The following NXPE2 variants were observed in gnomAD, a reference collection of about 807,000 sequenced individuals.
The protein encoded by NXPE2 is neurexophilin and PC-esterase domain family member 2.
A neutral mutation model predicts 34.4 loss-of-function variants in NXPE2; 34 were observed. That is an observed-to-expected ratio of 0.99 (90% CI 0.75 to 1.31). The LOEUF is 1.31. Ranked by LOEUF, NXPE2 falls within the 40% of genes most tolerant of loss-of-function variation. The pLI, the probability that NXPE2 is intolerant of heterozygous loss-of-function variation, is 0.00. For missense variants in NXPE2, 649 were observed against 672.5 expected (o/e 0.97, Z 0.39); for synonymous variants, 235 against 231.3 (o/e 1.02, Z -0.15).
chr11:114,475,286 C>T, the NXPE2 span, among the ~76,000 whole-genome samples: 1 of 130,772 alleles, frequency 7.6e-6, no homozygotes, highest in Non-Finnish European at 1.5e-5. Flanking sequence ...CTCTGTCGCC[C>T]AGGCTAGAGT....
At chr11:114,582,380 A>C in the NXPE2 span, 22 of 1,614,072 alleles carry the variant, frequency 1.4e-5, no homozygotes, top group Non-Finnish European at 1.8e-5. Context: ...GCATGTGTTG[A>C]GGCCTCACAC....
At chr11:114,663,664 T>C in the NXPE2 span, among the ~76,000 whole-genome samples, 19 of 110,950 alleles carry the variant, frequency 1.7e-4, no homozygotes, top group Non-Finnish European at 3.1e-4. Flanking sequence ...TCTATTTATC[T>C]ATCATCTATC....
At chr11:114,637,432 G>T in the NXPE2 span, among the ~76,000 whole-genome samples, 3 of 152,004 alleles carry the variant, frequency 2.0e-5, no homozygotes, top group Non-Finnish European at 4.4e-5. Flanking sequence ...GCCAGTCTGT[G>T]TCTTTTAATT....
chr11:114,638,050 G>A, the NXPE2 span, among the ~76,000 whole-genome samples: 2 of 151,582 alleles, frequency 1.3e-5, no homozygotes, highest in South Asian at 4.2e-4. Flanking sequence ...ATAATATCCT[G>A]CAGAGTGTTT....
chr11:114,786,363 C>CA, the NXPE2 span, among the ~76,000 whole-genome samples: 11 of 127,160 alleles, frequency 8.7e-5, no homozygotes, highest in Admixed American at 3.2e-4. Flanking sequence ...CTACCCCCGC[C>CA]CCCCGCCCCA....
the NXPE2 span, among the ~76,000 whole-genome samples, chr11:114,660,496 G>A: frequency 6.6e-6 from 1 of 151,716 alleles, no homozygotes; most frequent in South Asian, 2.1e-4. Flanking sequence ...CATATCATTA[G>A]GCTAAAGAAG....
chr11:114,582,616 T>A, the NXPE2 span: 1 of 1,613,906 alleles, frequency 6.2e-7, no homozygotes, highest in East Asian at 2.2e-5. Context: ...CAGAACAGAG[T>A]GAAGCTGACC....
rs1452287022 is a variant in NXPE2 at position 114,698,772 on chromosome 11, TC to T, written c.862del (p.His288ThrfsTer5). The T allele has an allele frequency of 6.5e-7, 1 of 1,549,290 alleles. No homozygotes were observed. The highest frequency in any genetic ancestry group is 2.3e-5 in the East Asian group (1 of 44,058). On this transcript the variant is annotated frameshift_variant, in exon 3 of 6. Coordinates refer to ENST00000389586, the MANE Select transcript of NXPE2 (RefSeq NM_182495.6). LOFTEE classifies it high-confidence loss of function. ...SYLSKEEWRL[F>X]HRSNIGVEMM... ...CTTAGCAAGGAAGAATGGAGGCTTT[TC>T]CACAGGTAAAGAGGCTTTTAAATAC...
the NXPE2 span, among the ~76,000 whole-genome samples, chr11:114,730,796 G>C: frequency 1.3e-5 from 2 of 152,120 alleles, no homozygotes; most frequent in South Asian, 4.1e-4. Context: ...GAGCCTTCTG[G>C]CAGAGTCTCT....
chr11:114,773,675 A>C, the NXPE2 span, among the ~76,000 whole-genome samples: 1 of 91,002 alleles, frequency 1.1e-5, no homozygotes, highest in Non-Finnish European at 2.2e-5. Flanking sequence ...GATTGTTTAC[A>C]GATAAGATTA....
At chr11:114,527,932 C>T in the NXPE2 span, 14 of 1,541,036 alleles carry the variant, frequency 9.1e-6, no homozygotes, top group Non-Finnish European at 1.2e-5. Context: ...AATAAATTAG[C>T]CTGCTCTCTG....
At chr11:114,703,532 G>A (rs189133367) in intron 3 of NXPE2, among the ~76,000 whole-genome samples, 7 of 152,296 alleles carry the variant, frequency 4.6e-5, no homozygotes, top group South Asian at 4.1e-4. Context: ...TCTGATGCAC[G>A]CTCAAGTTTG....
the NXPE2 span, among the ~76,000 whole-genome samples, chr11:114,741,830 A>G: frequency 6.6e-6 from 1 of 152,046 alleles, no homozygotes. Context: ...CACTTACTAG[A>G]ATATTTTGGG....
At chr11:114,758,417 T>C in the NXPE2 span, among the ~76,000 whole-genome samples, 1 of 152,218 alleles carries the variant, frequency 6.6e-6, no homozygotes, top group Non-Finnish European at 1.5e-5. Flanking sequence ...ATTGGAATAT[T>C]TACATTTTTC....
chr11:114,583,616 G>T, the NXPE2 span: 3 of 593,854 alleles, frequency 5.1e-6, no homozygotes, highest in Non-Finnish European at 1.0e-5. Flanking sequence ...GGCAAGTGCT[G>T]TGAAACTTAA....
At chr11:114,575,343 G>A in the NXPE2 span, among the ~76,000 whole-genome samples, 3 of 152,026 alleles carry the variant, frequency 2.0e-5, no homozygotes, top group Non-Finnish European at 2.9e-5. Flanking sequence ...CCTAGCTAAA[G>A]CAATCAGACA....
the NXPE2 span, among the ~76,000 whole-genome samples, chr11:114,494,244 TA>T: frequency 6.6e-6 from 1 of 152,228 alleles, no homozygotes; most frequent in African/African-American, 2.4e-5. Context: ...ATATATTCCC[TA>T]GGTTTGGGAA....
the NXPE2 span, among the ~76,000 whole-genome samples, chr11:114,639,796 T>C: frequency 3.8e-4 from 46 of 122,216 alleles, 1 homozygote; most frequent in Non-Finnish European, 2.5e-4. Flanking sequence ...ATATATATTA[T>C]ATTAAATATA....
In NXPE2 at chr11:114,684,015, G is replaced by T. The variant is rs537819415; in HGVS notation, c.132+4253G>T. On this transcript the variant is annotated intron_variant, in intron 2 of 5. Coordinates refer to ENST00000389586, the MANE Select transcript of NXPE2 (RefSeq NM_182495.6). ...AGTATTGACCAGAATAGGAGAAATA[G>T]TTAGAAGACAAAAGATGGGTTTAGG... Among the ~76,000 whole-genome samples, 6 of 152,292 alleles carry T rather than the reference G, an allele frequency of 3.9e-5. No individual in the cohort carries two copies. The South Asian group carries it at 1.2e-3, about 32-fold the overall frequency.
Sources: gnomAD v4.1 joint callset for allele counts (sites outside exome capture counted in the v4.1 genomes callset) on GRCh38, gnomAD v4.1.1 for gene constraint, MANE v1.5 for transcripts, NCBI Gene and HGNC (gene_info 2026-07-23, HGNC 2026-07-21) for gene names.